PTPN14: variants seen among roughly 807,000 people sequenced by gnomAD.
The protein encoded by PTPN14 is protein tyrosine phosphatase non-receptor type 14.
Under a neutral mutation model 126.8 loss-of-function variants are expected in PTPN14, and 53 were observed. That is an observed-to-expected ratio of 0.42 (90% CI 0.34 to 0.53). The LOEUF (loss-of-function observed/expected upper bound fraction) is 0.53. Among genes scored for constraint, PTPN14 ranks in the 20% least tolerant of loss-of-function variants. The pLI, the probability that PTPN14 is intolerant of heterozygous loss-of-function variation, is 0.08. For synonymous variants in PTPN14, 630 were observed against 599.3 expected (o/e 1.05, Z -0.75); for missense variants, 1,257 against 1,552.9 (o/e 0.81, Z 3.20).
intron 3 of PTPN14, among the ~76,000 whole-genome samples, chr1:214,434,188 A>G (rs770357109): frequency 6.6e-6 from 1 of 152,176 alleles, no homozygotes; most frequent in Non-Finnish European, 1.5e-5. Context: ...TGTATTGCAC[A>G]GCAAATATAA....
At chr1:214,387,671 C>T (rs1309036828) in intron 11 of PTPN14, among the ~76,000 whole-genome samples, 2 of 127,776 alleles carry the variant, frequency 1.6e-5, no homozygotes, top group African/African-American at 2.8e-5. Flanking sequence ...AGCAAGACTC[C>T]GTCAAAAAAA....
intron 1 of PTPN14, among the ~76,000 whole-genome samples, chr1:214,520,714 C>A (rs1225184875): frequency 6.6e-6 from 1 of 152,130 alleles, no homozygotes; most frequent in Non-Finnish European, 1.5e-5. Context: ...GCACCATATA[C>A]TTTCCTCCAT....
intron 1 of PTPN14, among the ~76,000 whole-genome samples, chr1:214,519,638 C>T (rs1345421551): frequency 6.6e-6 from 1 of 152,180 alleles, no homozygotes; most frequent in Non-Finnish European, 1.5e-5. Context: ...GAGATAATCG[C>T]TTGCATATAC....
chr1:214,483,960 AC>A (rs1661058075), intron 1 of PTPN14, among the ~76,000 whole-genome samples: 1 of 152,230 alleles, frequency 6.6e-6, no homozygotes, highest in Admixed American at 6.5e-5. Flanking sequence ...CCAGAGAAAG[AC>A]CCTTTCATCT....
intron 1 of PTPN14, among the ~76,000 whole-genome samples, chr1:214,481,204 T>A (rs764282390): frequency 6.6e-6 from 1 of 152,062 alleles, no homozygotes; most frequent in African/African-American, 2.4e-5. Flanking sequence ...GTCAAACAAA[T>A]GCAGCACAAG....
At chr1:214,530,024 C>CTA (rs1655499700) in intron 1 of PTPN14, 1 of 152,142 alleles carries the variant, frequency 6.6e-6, no homozygotes, top group Non-Finnish European at 1.5e-5. Context: ...ACAGAGCTGA[C>CTA]TACAGATACC....
intron 3 of PTPN14, among the ~76,000 whole-genome samples, chr1:214,446,157 T>C (rs1351782361): frequency 1.3e-5 from 2 of 152,252 alleles, no homozygotes; most frequent in East Asian, 1.9e-4. Flanking sequence ...TGGTTCTTAA[T>C]CTCTTTAAAT....
chr1:214,464,723 C>A lies in PTPN14; in HGVS notation c.81G>T (p.Leu27=). The A allele has an allele frequency of 1.2e-6, 2 of 1,614,292 alleles. No individual in the cohort carries two copies. Among genetic ancestry groups the A allele is most frequent in the Non-Finnish European group, 1.7e-6 (2 of 1,180,054 alleles). The change falls in exon 2 of 19, where the codon CTG becomes CTT. Residue 27 remains leucine (L), a synonymous_variant. Transcript: ENST00000366956. The part of the protein sequence containing the change: ...SKNCFVTRIR[L]LDSNVIECTL... ...TGCACTCGATAACATTGCTGTCCAGCAGGCGAATCCGTGTGACAAAGCAGT... is the reference window on the plus strand; with the variant it reads ...TGCACTCGATAACATTGCTGTCCAGAAGGCGAATCCGTGTGACAAAGCAGT...
At chr1:214,531,831 C>G (rs527276026) in intron 1 of PTPN14, 1 of 152,236 alleles carries the variant, frequency 6.6e-6, no homozygotes, top group Non-Finnish European at 1.5e-5. Context: ...AGGAAAGACC[C>G]GTTCTTATGT....
intron 13 of PTPN14, among the ~76,000 whole-genome samples, chr1:214,378,395 AAAAC>A (rs1658394609): frequency 6.6e-6 from 1 of 152,268 alleles, no homozygotes; most frequent in South Asian, 2.1e-4. Context: ...AAACAAAACA[AAAAC>A]AAAATAGGGT....
At chr1:214,397,039 A>C (rs1658895135) in intron 8 of PTPN14, among the ~76,000 whole-genome samples, 1 of 152,226 alleles carries the variant, frequency 6.6e-6, no homozygotes, top group Non-Finnish European at 1.5e-5. Context: ...AGAGAGCAAG[A>C]GAATATCATA....
At position 214,384,372 on chromosome 1, in the gene PTPN14, G is replaced by T; in HGVS notation, c.1483C>A (p.Pro495Thr). Residue 495 changes from proline to threonine, a missense_variant, in exon 13 of 19, where the codon CCC becomes ACC. Pro to Thr is a conservative substitution (Grantham distance 38). This residue lies in a region of PTPN14 where 1,021 missense variants were observed against 1,183.3 expected (regional missense o/e 0.86). Transcript: ENST00000366956. The surrounding 1 kb of genome is among the most constrained non-coding windows in gnomAD (Gnocchi z 5.3). ...TGTGGCCCATAAGGGACAGTGTAGG[G>T]GTGCCTCTCCCGCATCTCCGGTTGG... Reference protein sequence around the residue: ...YSQPEMRERHPYTVPYGPQGV... With the variant: ...YSQPEMRERHTYTVPYGPQGV... The T allele has an allele frequency of 6.2e-7, 1 of 1,614,144 alleles. No individual in the cohort carries two copies. The highest frequency in any genetic ancestry group is 8.5e-7 in the Non-Finnish European group (1 of 1,180,038).
Position 214,353,436 on chromosome 1 carries a change from C to T in PTPN14, c.*4486G>A, listed in dbSNP as rs951222797. 6.6e-6 allele frequency: 1 copy of T among 152,140 alleles called. No individual in the cohort carries two copies. Among genetic ancestry groups the T allele is most frequent in the African/African-American group, 2.4e-5 (1 of 41,426 alleles). The allele number at this position is 152,140 out of a possible 1,614,324, so 9.4% of individuals were successfully genotyped here. On this transcript the variant is annotated 3_prime_UTR_variant, in exon 19 of 19. Coordinates refer to ENST00000366956, the MANE Select transcript of PTPN14 (RefSeq NM_005401.5). ...TTCCCCAAATATTTTTCAATCTGTA[C>T]TTGGTTGAATATAGGGATGTGGAAC...
chr1:214,414,638 C>T lies in PTPN14; in HGVS notation c.433G>A (p.Ala145Thr), dbSNP rs1024564971. 6 of 1,613,670 alleles carry T rather than the reference C, an allele frequency of 3.7e-6. No individual in the cohort carries two copies. The highest frequency in any genetic ancestry group is 5.1e-6 in the Non-Finnish European group (6 of 1,179,576). Residue 145 changes from alanine to threonine, a missense_variant, in exon 4 of 19, where the codon GCT becomes ACT. Ala to Thr is a moderately conservative substitution (Grantham distance 58). Around this residue, in one of 3 missense-constraint regions of PTPN14, gnomAD observed 1,021 missense variants for 1,183.3 expected, o/e 0.86. Transcript: ENST00000366956. ...LDQVIRLAGL[A>T]VQADFGDYNQ... ...CATAACTATGTCTTACCTTGCACAGCTAGGCCGGCTAGCCGAATCACCTGG... is the reference window on the plus strand; with the variant it reads ...CATAACTATGTCTTACCTTGCACAGTTAGGCCGGCTAGCCGAATCACCTGG...
chr1:214,460,138 C>T (rs1471350738), intron 2 of PTPN14, among the ~76,000 whole-genome samples: 1 of 149,196 alleles, frequency 6.7e-6, no homozygotes, highest in Non-Finnish European at 1.5e-5. Flanking sequence ...CTGCAGCCTC[C>T]CCATCTGTAA....
Position 214,394,973 on chromosome 1 carries a change from C to G in PTPN14, c.772G>C (p.Gly258Arg). Residue 258 changes from glycine (G) to arginine (R), a missense_variant, in exon 9 of 19, where the codon GGG (glycine) becomes CGG (arginine). Transcript: ENST00000366956. ...GTCGACTTGTTATGAGTGATATTCC[C>G]CATGTCATTCCACCTGGTTAGAAGA... is the stretch of plus-strand genomic sequence containing the variant. Reference protein sequence around the residue: ...QAVIYRWNDMGNITHNKSTIL... With the variant: ...QAVIYRWNDMRNITHNKSTIL... 6.2e-7 allele frequency: 1 copy of G among 1,611,954 alleles called. No homozygotes were observed.
rs1167574005 is a variant in PTPN14, at chr1:214,384,584, T to C, written c.1271A>G (p.Asp424Gly). Residue 424 changes from aspartate to glycine, a missense_variant, in exon 13 of 19, where the codon GAC becomes GGC. This residue lies in a region of PTPN14 where 1,021 missense variants were observed against 1,183.3 expected (regional missense o/e 0.86). Transcript: ENST00000366956. The surrounding 1 kb of genome is among the most constrained non-coding windows in gnomAD (Gnocchi z 5.3). ...GCTGTGCCGGTGGCTCGGGATGTAG[T>C]CGGCCCGCATGATGTCACTCCCAGG... ...SIPGSDIMRA[D>G]YIPSHRHSAI... 1 of 1,614,124 alleles carries C rather than the reference T, an allele frequency of 6.2e-7. No homozygotes were observed. The highest frequency in any genetic ancestry group is 8.5e-7 in the Non-Finnish European group (1 of 1,180,022).
intron 5 of PTPN14, among the ~76,000 whole-genome samples, chr1:214,411,443 C>T (rs1659307056): frequency 6.6e-6 from 1 of 151,986 alleles, no homozygotes; most frequent in African/African-American, 2.4e-5. Context: ...ATAGAAAAAT[C>T]AGTAGCATTT....
At chr1:214,473,484 C>T (rs950612141) in intron 1 of PTPN14, among the ~76,000 whole-genome samples, 1 of 152,142 alleles carries the variant, frequency 6.6e-6, no homozygotes, top group Non-Finnish European at 1.5e-5. Context: ...TCTGAAATCA[C>T]CAAAAGAAGC....
Sources: allele counts gnomAD v4.1 joint callset (sites outside exome capture counted in the v4.1 genomes callset), GRCh38; gene constraint gnomAD v4.1.1; regional missense constraint gnomAD v4.1.1; non-coding constraint Gnocchi (gnomAD v3.1); transcripts MANE v1.5; gene names NCBI Gene and HGNC (gene_info 2026-07-23, HGNC 2026-07-21).